The following DYM variants were observed in gnomAD, a reference collection of about 807,000 sequenced individuals.
The protein encoded by DYM is dyggve-Melchior-Clausen syndrome protein.
Under a neutral mutation model 93.1 loss-of-function variants are expected in DYM, and 78 were observed. The ratio of observed to expected loss-of-function variants is 0.84; its 90% confidence interval spans 0.70 to 1.01. DYM has a LOEUF of 1.01. Among genes scored for constraint, DYM ranks in the 50% least tolerant of loss-of-function variants. The probability of loss-of-function intolerance (pLI) is 0.00; values close to 1 mark genes in which losing one functional copy is unlikely to be tolerated. For missense variants in DYM, 789 were observed against 845.0 expected, an observed-to-expected ratio of 0.93 and a Z score of 0.82; for synonymous variants, 321 against 319.7, an observed-to-expected ratio of 1.00 and a Z score of -0.04.
At chr18:49,151,092 C>A (rs946172690) in intron 15 of DYM, among the ~76,000 whole-genome samples, 1 of 152,124 alleles carries the variant, frequency 6.6e-6, no homozygotes, top group African/African-American at 2.4e-5. Context: ...TGCCCATTAC[C>A]AAGATCTCCA....
intron 17 of DYM, chr18:49,048,346 G>C (rs2071916073): frequency 6.6e-6 from 1 of 152,234 alleles, no homozygotes; most frequent in African/African-American, 2.4e-5. Flanking sequence ...GAGGGGCTAG[G>C]TGGGTGTGCA....
In DYM at chr18:49,163,441, A is replaced by T. The variant is rs556430487; in HGVS notation, c.1728+244T>A. Among the ~76,000 whole-genome samples, 46 of 152,208 alleles carry T rather than the reference A, an allele frequency of 3.0e-4. 1 individual carries two copies. Among genetic ancestry groups the T allele is most frequent in the African/African-American group, 1.1e-3 (45 of 41,522 alleles). ...GCTCACTGCAACCTCTGCCTCCCGG[A>T]TTCAAGTGATTCTCCTGCCTCGGCC... On this transcript the variant is annotated intron_variant, in intron 15 of 17. Coordinates refer to ENST00000675505, the MANE Select transcript of DYM (RefSeq NM_001353214.3).
At chr18:49,425,431 G>C (rs141853757) in intron 2 of DYM, among the ~76,000 whole-genome samples, 13,895 of 151,926 alleles carry the variant, frequency 0.091, 858 homozygotes, top group East Asian at 0.31. Context: ...GACCTAAAAC[G>C]ATAAAAACCC....
At chr18:49,117,919 G>A (rs560108610) in intron 16 of DYM, among the ~76,000 whole-genome samples, 8 of 151,126 alleles carry the variant, frequency 5.3e-5, no homozygotes, top group South Asian at 2.1e-4. Flanking sequence ...GGATGGTCTC[G>A]ATCTCCCGAC....
intron 14 of DYM, among the ~76,000 whole-genome samples, chr18:49,185,975 C>T (rs1021481879): frequency 8.5e-5 from 13 of 152,124 alleles, no homozygotes; most frequent in African/African-American, 9.7e-5. Flanking sequence ...AGGATTATTA[C>T]GATGTGTCAC....
intron 14 of DYM, among the ~76,000 whole-genome samples, chr18:49,165,678 TTAAA>T (rs1274638223): frequency 2.0e-5 from 3 of 152,168 alleles, no homozygotes; most frequent in South Asian, 2.1e-4. Context: ...ACATTTATAC[TTAAA>T]TAAAGTGGGA....
At chr18:49,131,409 G>A (rs556893375) in intron 15 of DYM, among the ~76,000 whole-genome samples, 8 of 152,152 alleles carry the variant, frequency 5.3e-5, no homozygotes, top group African/African-American at 1.7e-4. Context: ...ATGTTTAGTA[G>A]TGACAGGGTT....
At chr18:49,340,731 A>G (rs1249272846) in intron 6 of DYM, among the ~76,000 whole-genome samples, 1 of 152,236 alleles carries the variant, frequency 6.6e-6, no homozygotes, top group Non-Finnish European at 1.5e-5. Context: ...GACATGTGCA[A>G]TAAATCATTT....
chr18:49,349,980 T>G (rs1308253839), intron 6 of DYM, among the ~76,000 whole-genome samples: 1 of 152,130 alleles, frequency 6.6e-6, no homozygotes, highest in Non-Finnish European at 1.5e-5. Flanking sequence ...GATCACAGTA[T>G]GACTTCAATC....
intron 16 of DYM, among the ~76,000 whole-genome samples, chr18:49,110,981 G>T (rs1163946676): frequency 6.6e-6 from 1 of 152,162 alleles, no homozygotes; most frequent in African/African-American, 2.4e-5. Context: ...TAATGAGCCA[G>T]TCATAGCAAT....
intron 8 of DYM, among the ~76,000 whole-genome samples, chr18:49,292,326 AG>A (rs2060170869): frequency 1.2e-5 from 1 of 85,526 alleles, no homozygotes; most frequent in East Asian, 2.6e-4. Context: ...GCAGGCAGGC[AG>A]GCAGGCAGGC....
At chr18:49,080,624 T>C (rs2077851504) in intron 17 of DYM, among the ~76,000 whole-genome samples, 1 of 139,730 alleles carries the variant, frequency 7.2e-6, no homozygotes, top group East Asian at 2.3e-4. Flanking sequence ...ACGGGGCGGC[T>C]GGCCGGGCGG....
intron 14 of DYM, among the ~76,000 whole-genome samples, chr18:49,169,875 C>T (rs571287630): frequency 3.7e-4 from 57 of 152,208 alleles, no homozygotes; most frequent in African/African-American, 1.1e-3. Flanking sequence ...CTTTAGGAAA[C>T]GTCCATATTA....
chr18:49,069,226 A>G (rs1333606456), intron 17 of DYM, among the ~76,000 whole-genome samples: 1 of 152,238 alleles, frequency 6.6e-6, no homozygotes, highest in African/African-American at 2.4e-5. Context: ...ATCATACATT[A>G]AAGTCAGCAT....
chr18:49,087,972 T>C (rs2078699002), intron 17 of DYM, among the ~76,000 whole-genome samples: 1 of 152,230 alleles, frequency 6.6e-6, no homozygotes, highest in South Asian at 2.1e-4. Flanking sequence ...GGTTGTTTTT[T>C]TCTTGTAAAT....
chr18:49,050,211 C>T (rs2072232043), intron 17 of DYM, among the ~76,000 whole-genome samples: 1 of 151,708 alleles, frequency 6.6e-6, no homozygotes, highest in South Asian at 2.1e-4. Context: ...CTCGGCCTCC[C>T]TAGTAGCTGG....
intron 2 of DYM, among the ~76,000 whole-genome samples, chr18:49,393,087 GGGAGGGAAGGAAGGAAGGAAGGAA>G (rs1389057609): frequency 6.5e-4 from 55 of 84,942 alleles, no homozygotes; most frequent in African/African-American, 2.0e-3. Context: ...AAAGAAGGGA[GGGAGGGAAGGAAGGAAGGAAGGAA>G]GGAAGGAAGG....
intron 8 of DYM, among the ~76,000 whole-genome samples, chr18:49,313,962 A>G (rs2146414272): frequency 6.6e-6 from 1 of 151,050 alleles, no homozygotes; most frequent in African/African-American, 2.5e-5. Context: ...ACATCACATG[A>G]AAAAAACACA....
At chr18:49,245,173 G>GT in intron 13 of DYM, among the ~76,000 whole-genome samples, 1 of 152,108 alleles carries the variant, frequency 6.6e-6, no homozygotes, top group South Asian at 2.1e-4. Flanking sequence ...TGTCATCTTC[G>GT]TAAGCTGAGG....
Sources: allele counts gnomAD v4.1 joint callset (sites outside exome capture counted in the v4.1 genomes callset), GRCh38; gene constraint gnomAD v4.1.1; transcripts MANE v1.5; gene names NCBI Gene and HGNC (gene_info 2026-07-23, HGNC 2026-07-21).